Variants in PARD3B observed in about 807,000 individuals in gnomAD.
PARD3B encodes par-3 family cell polarity regulator beta.
In PARD3B, 103 loss-of-function variants were observed where a neutral mutation model predicts 130.2. That is an observed-to-expected ratio of 0.79 (90% CI 0.67 to 0.93). PARD3B has a LOEUF of 0.93. PARD3B is among the 40% of genes least tolerant of loss of function. PARD3B has a pLI of 0.00. For synonymous variants in PARD3B, 583 were observed against 553.2 expected (o/e 1.05, Z -0.76); for missense variants, 1,609 against 1,499.2 (o/e 1.07, Z -1.21).
intron 2 of PARD3B, among the ~76,000 whole-genome samples, chr2:204,764,732 G>GTGTGTGTGTGTC (rs1047093050): frequency 6.6e-6 from 1 of 151,788 alleles, no homozygotes; most frequent in Non-Finnish European, 1.5e-5. Flanking sequence ...GTGTGTGTGT[G>GTGTGTGTGTGTC]TGTGTGTGTG....
chr2:205,061,802 A>G (rs1208417977), intron 4 of PARD3B, among the ~76,000 whole-genome samples: 1 of 152,014 alleles, frequency 6.6e-6, no homozygotes, highest in Non-Finnish European at 1.5e-5. Context: ...TTCAAAAAAA[A>G]AAAAAAAATT....
chr2:204,795,896 A>G (rs1235196808), intron 2 of PARD3B, among the ~76,000 whole-genome samples: 2 of 152,210 alleles, frequency 1.3e-5, no homozygotes, highest in Non-Finnish European at 2.9e-5. Flanking sequence ...TGTATAACAT[A>G]TGAATCCTGT....
chr2:205,167,311 C>A (rs2034875793), intron 11 of PARD3B, among the ~76,000 whole-genome samples: 1 of 152,128 alleles, frequency 6.6e-6, no homozygotes, highest in Non-Finnish European at 1.5e-5. Context: ...AACGACCCCT[C>A]ACTCCAAAGA....
intron 21 of PARD3B, among the ~76,000 whole-genome samples, chr2:205,544,766 C>A (rs1476537709): frequency 6.6e-6 from 1 of 152,154 alleles, no homozygotes; most frequent in Non-Finnish European, 1.5e-5. Context: ...GCTATAAAAT[C>A]ATCATGTGCC....
At chr2:204,780,782 G>A (rs1173580421) in intron 2 of PARD3B, among the ~76,000 whole-genome samples, 1 of 152,090 alleles carries the variant, frequency 6.6e-6, no homozygotes, top group Non-Finnish European at 1.5e-5. Flanking sequence ...AGTATCATTG[G>A]TGGATTCTTG....
At chr2:205,132,076 T>A (rs543440050) in intron 10 of PARD3B, among the ~76,000 whole-genome samples, 1 of 152,290 alleles carries the variant, frequency 6.6e-6, no homozygotes, top group African/African-American at 2.4e-5. Context: ...ATGAGATGCA[T>A]GTAAAATGCT....
chr2:204,582,585 A>G (rs1430542513), intron 1 of PARD3B, among the ~76,000 whole-genome samples: 1 of 152,122 alleles, frequency 6.6e-6, no homozygotes, highest in Non-Finnish European at 1.5e-5. Flanking sequence ...GGTTTTGTAG[A>G]TTAATGTATG....
At chr2:205,119,602 A>G (rs1044184776) in intron 7 of PARD3B, among the ~76,000 whole-genome samples, 1 of 152,022 alleles carries the variant, frequency 6.6e-6, no homozygotes, top group African/African-American at 2.4e-5. Flanking sequence ...AATATGGTGA[A>G]ACCCCATCTC....
Position 205,187,545 on chromosome 2 carries a change from G to A in PARD3B, c.2024+1682G>A, listed in dbSNP as rs2036169227. 6.6e-6 allele frequency among the ~76,000 whole-genome samples: 1 copy of A among 152,194 alleles called. No homozygotes were observed. Among genetic ancestry groups the A allele is most frequent in the Non-Finnish European group, 1.5e-5 (1 of 68,036 alleles). ...GTCAGAGGTACTGAGCATCTGTGCA[G>A]GGGAGGCTAGAGAGAAGCACTCAGA... On this transcript the variant is annotated intron_variant, in intron 14 of 22. Transcript: ENST00000406610. This position sits in a 1 kb window ranked among gnomAD's most constrained non-coding sequence, Gnocchi z 4.9.
At chr2:204,648,727 TAG>T (rs1460246660) in intron 1 of PARD3B, among the ~76,000 whole-genome samples, 4 of 70,108 alleles carry the variant, frequency 5.7e-5, no homozygotes, top group African/African-American at 6.4e-5. Flanking sequence ...ATATTTATAA[TAG>T]ATATCATATA....
chr2:205,252,181 T>A (rs1322805644), intron 16 of PARD3B, among the ~76,000 whole-genome samples: 1 of 152,186 alleles, frequency 6.6e-6, no homozygotes, highest in Non-Finnish European at 1.5e-5. Flanking sequence ...GGTGTATGCA[T>A]CTCTAAAATT....
At chr2:205,259,855 T>C (rs992187287) in intron 16 of PARD3B, among the ~76,000 whole-genome samples, 1 of 152,146 alleles carries the variant, frequency 6.6e-6, no homozygotes, top group Non-Finnish European at 1.5e-5. Context: ...TTTTGGAATA[T>C]TTGCATATAC....
chr2:204,756,144 A>G (rs1342316807), intron 2 of PARD3B, among the ~76,000 whole-genome samples: 1 of 152,132 alleles, frequency 6.6e-6, no homozygotes, highest in African/African-American at 2.4e-5. Context: ...GGGCAAAGAA[A>G]TACAATACAG....
At chr2:205,548,777 T>C (rs1385980270) in intron 21 of PARD3B, among the ~76,000 whole-genome samples, 1 of 152,132 alleles carries the variant, frequency 6.6e-6, no homozygotes, top group Non-Finnish European at 1.5e-5. Context: ...CGTTGAACTT[T>C]ATTAAAATTA....
At chr2:204,743,015 C>T (rs1430913305) in intron 2 of PARD3B, among the ~76,000 whole-genome samples, 2 of 152,158 alleles carry the variant, frequency 1.3e-5, no homozygotes, top group Admixed American at 6.5e-5. Context: ...TGGGAAGCAA[C>T]ATGGCTCTAA....
At position 205,249,871 on chromosome 2, in the gene PARD3B, G is replaced by A. The variant is rs536777603; in HGVS notation, c.2185+4049G>A. 8.4e-4 allele frequency among the ~76,000 whole-genome samples: 127 copies of A among 151,010 alleles called. 1 individual carries two copies. Among genetic ancestry groups the A allele is most frequent in the South Asian group, 7.9e-3 (38 of 4,800 alleles). ...CATAGAGCCTTGAAAAACCAAAAAC[G>A]TCTTTAACCTCTTTCCTTGTTTCAC... On this transcript the variant is annotated intron_variant, in intron 16 of 22. Transcript: ENST00000406610.
chr2:205,208,989 C>A (rs1185025963), intron 15 of PARD3B, among the ~76,000 whole-genome samples: 1 of 126,092 alleles, frequency 7.9e-6, no homozygotes, highest in Non-Finnish European at 1.6e-5. Flanking sequence ...GCTACAGTAA[C>A]CAAAACAGCA....
At chr2:205,332,920 G>A (rs576828440) in intron 18 of PARD3B, among the ~76,000 whole-genome samples, 2 of 152,206 alleles carry the variant, frequency 1.3e-5, no homozygotes, top group East Asian at 3.9e-4. Context: ...AATTAGTGAG[G>A]TTAGTGATTC....
intron 6 of PARD3B, among the ~76,000 whole-genome samples, chr2:205,115,935 T>A: frequency 6.6e-6 from 1 of 152,218 alleles, no homozygotes; most frequent in Non-Finnish European, 1.5e-5. Flanking sequence ...ATGTATTTTT[T>A]TATTTTTTTT....
Sources: gnomAD v4.1 joint callset for allele counts (sites outside exome capture counted in the v4.1 genomes callset) on GRCh38, gnomAD v4.1.1 for gene constraint, Gnocchi (gnomAD v3.1) non-coding constraint, MANE v1.5 for transcripts, NCBI Gene and HGNC (gene_info 2026-07-23, HGNC 2026-07-21) for gene names.